Variants in HTT observed in about 807,000 individuals in gnomAD.
The protein encoded by HTT is huntingtin.
Under a neutral mutation model 362.3 loss-of-function variants are expected in HTT, and 104 were observed. The observed-to-expected ratio is 0.29, with a 90% confidence interval of 0.24 to 0.34. The LOEUF is 0.34. Ranked by LOEUF, HTT falls within the 10% of genes least tolerant of loss-of-function variation. HTT has a pLI of 1.00. For missense variants in HTT, 3,301 were observed against 3,928.6 expected (o/e 0.84, Z 4.27); for synonymous variants, 1,577 against 1,548.7 (o/e 1.02, Z -0.43).
intron 3 of HTT, among the ~76,000 whole-genome samples, chr4:3,101,111 G>A (rs1372531720): frequency 6.6e-6 from 1 of 152,206 alleles, no homozygotes; most frequent in Non-Finnish European, 1.5e-5. Context: ...TTGGTTCATG[G>A]CAAATGGGAC....
At chr4:3,153,053 A>C (rs538870614) in intron 26 of HTT, among the ~76,000 whole-genome samples, 62 of 152,152 alleles carry the variant, frequency 4.1e-4, no homozygotes, top group Non-Finnish European at 7.9e-4. Context: ...TGTCTTAGTC[A>C]GCATGGGTTG....
chr4:3,074,930 G>GCAGCAGCAA lies in HTT; in HGVS notation c.110_111insGCAACAGCA (p.Gln36_Gln38dup), dbSNP rs774733492. ...AGCAGCAGCAGCAGCAGCAGCAGCA[G>GCAGCAGCAA]CAGCAACAGCCGCCACCGCCGCCGC... On this transcript the variant is annotated inframe_insertion, in exon 1 of 67. Transcript: ENST00000355072. 5.9e-5 allele frequency: 77 copies of GCAGCAGCAA among 1,302,664 alleles called. No homozygotes were observed. Among genetic ancestry groups the GCAGCAGCAA allele is most frequent in the Middle Eastern group, 5.6e-4 (2 of 3,552 alleles). 80.7% of individuals were successfully genotyped at this position (1,302,664 alleles called of 1,614,324 possible). A position where few individuals can be genotyped will look rare whatever the true frequency, so the allele number is the denominator to read the frequency against.
rs755790294 is a variant in HTT at position 3,116,074 on chromosome 4, C to T, written c.890-11C>T. ...GTCAGATGTTAAGATGTCTTGCTTC[C>T]ACCCCCACAGGCTTACTCGTTCCTG... On this transcript the variant is annotated splice_polypyrimidine_tract_variant and intron_variant, in intron 7 of 66. Coordinates refer to ENST00000355072, the MANE Select transcript of HTT (RefSeq NM_001388492.1). The T allele has an allele frequency of 1.9e-6, 3 of 1,597,552 alleles. No individual in the cohort carries two copies. Among genetic ancestry groups the T allele is most frequent in the Admixed American group, 3.3e-5 (2 of 59,784 alleles).
chr4:3,147,919 G>A, intron 25 of HTT, 86 bp from the exon 26 acceptor site: 1 of 1,039,416 alleles, frequency 9.6e-7, no homozygotes, highest in South Asian at 1.6e-5. Flanking sequence ...TCTCAACATA[G>A]GGTCTTAAAT....
At chr4:3,207,722 G>A (rs1035198892) in intron 45 of HTT, among the ~76,000 whole-genome samples, 1 of 152,170 alleles carries the variant, frequency 6.6e-6, no homozygotes, top group Non-Finnish European at 1.5e-5. Context: ...AACAAGAGTT[G>A]GCAAATCTGA....
Position 3,093,427 on chromosome 4 carries a change from G to A in HTT, c.348-5847G>A, listed in dbSNP as rs1713623609. Reference sequence around the variant, plus strand: ...ATTTCAGTGTTTGTAACACGTAGAAGTGAATTGTATGACAATAGCATAAAG... The same window carrying A: ...ATTTCAGTGTTTGTAACACGTAGAAATGAATTGTATGACAATAGCATAAAG... On this transcript the variant is annotated intron_variant, in intron 2 of 66. Transcript: ENST00000355072. Among the ~76,000 whole-genome samples, 4 of 152,214 alleles carry A rather than the reference G, an allele frequency of 2.6e-5. No homozygotes were observed. In the South Asian group the frequency reaches 8.3e-4, roughly 32 times the overall value.
At chr4:3,182,567 T>A in intron 37 of HTT, 97 bp downstream of exon 37, 1 of 749,510 alleles carries the variant, frequency 1.3e-6, no homozygotes, top group East Asian at 2.5e-5. Context: ...CCTTCAGTCC[T>A]AATCTGTGCC....
intron 65 of HTT, 88 bp from the exon 66 acceptor site, chr4:3,238,730 G>GCCCCCCCCCCCCCCCCCCCCCCCCCCCC: frequency 3.6e-6 from 4 of 1,097,016 alleles, no homozygotes; most frequent in Non-Finnish European, 5.3e-6. Context: ...AATGCCTCTG[G>GCCCCCCCCCCCCCCCCCCCCCCCCCCCC]CCCCCACCCC....
At position 3,220,225 on chromosome 4, in the gene HTT, G is replaced by A. The variant is rs1252276830; in HGVS notation, c.7286G>A (p.Gly2429Asp). 6.2e-7 allele frequency: 1 copy of A among 1,614,106 alleles called. No individual in the cohort carries two copies. Residue 2429 changes from glycine (G) to aspartate (D), a missense_variant, in exon 53 of 67, where the codon GGC becomes GAC. Around this residue, in one of 4 missense-constraint regions of HTT, gnomAD observed 753 missense variants for 1,021.3 expected, o/e 0.74. Transcript: ENST00000355072. ...GWSPKPGGDF[G>D]TAFPEIPVEF... is the part of the protein sequence containing the mutation. Reference sequence around the variant, plus strand: ...TCACCCAAACCGGGAGGGGATTTTGGCACAGCATTCCCTGAGATCCCCGTG... The same window carrying A: ...TCACCCAAACCGGGAGGGGATTTTGACACAGCATTCCCTGAGATCCCCGTG...
At chr4:3,087,258 GAAC>G (rs370686996) in intron 2 of HTT, among the ~76,000 whole-genome samples, 37 of 152,262 alleles carry the variant, frequency 2.4e-4, no homozygotes, top group African/African-American at 8.9e-4. Flanking sequence ...TATGGTAATT[GAAC>G]AACATGTTTA....
In HTT at chr4:3,074,938, A is replaced by AGCC. The variant is rs751462292; in HGVS notation, c.117_119dup (p.Pro49dup). The AGCC allele has an allele frequency of 3.7e-5, 47 of 1,272,234 alleles. No homozygotes were observed. The highest frequency in any genetic ancestry group is 3.3e-4 in the East Asian group (10 of 30,496). The allele number at this position is 1,272,234 out of a possible 1,614,324, so 78.8% of individuals were successfully genotyped here. ...CAGCAGCAGCAGCAGCAGCAGCAAC[A>AGCC]GCCGCCACCGCCGCCGCCGCCGCCG... On this transcript the variant is annotated inframe_insertion, in exon 1 of 67. Transcript: ENST00000355072.
rs375338285 is a variant in HTT at position 3,223,967 on chromosome 4, T to C, written c.7626-25T>C. The C allele has an allele frequency of 1.9e-5, 30 of 1,613,296 alleles. 1 individual carries two copies. The African/African-American group carries it at 2.4e-4, about 13-fold the overall frequency. On this transcript the variant is annotated intron_variant, in intron 55 of 66. Coordinates refer to ENST00000355072, the MANE Select transcript of HTT (RefSeq NM_001388492.1). ...TAAGATTTTGAAGGAAACAAAACACTCTTTACCTTTTTTCTAAAATGTAGG... is the reference window on the plus strand; with the variant it reads ...TAAGATTTTGAAGGAAACAAAACACCCTTTACCTTTTTTCTAAAATGTAGG...
chr4:3,075,565 G>C (rs958793742), intron 1 of HTT, among the ~76,000 whole-genome samples: 1 of 151,566 alleles, frequency 6.6e-6, no homozygotes, highest in African/African-American at 2.4e-5. Context: ...CACTTCGAGA[G>C]GAGGCGGGGT....
chr4:3,127,655 C>A, intron 12 of HTT, 51 bp downstream of exon 12: 1 of 1,370,318 alleles, frequency 7.3e-7, no homozygotes, highest in Non-Finnish European at 1.0e-6. Context: ...TTATTTGAGA[C>A]AGAGTCTCAC....
At chr4:3,079,236 T>G (rs1712753681) in intron 1 of HTT, among the ~76,000 whole-genome samples, 1 of 148,444 alleles carries the variant, frequency 6.7e-6, no homozygotes, top group South Asian at 2.1e-4. Context: ...GAAGGTCCAC[T>G]GAGAAGACAG....
At position 3,235,668 on chromosome 4, in the gene HTT, C is replaced by T. The variant is rs1353680241; in HGVS notation, c.8675C>T (p.Ser2892Phe). 1 of 1,613,740 alleles carries T rather than the reference C, an allele frequency of 6.2e-7. No homozygotes were observed. Among genetic ancestry groups the T allele is most frequent in the South Asian group, 1.1e-5 (1 of 91,092 alleles). Reference protein sequence around the residue: ...LERLLLSEQLSRLDAESLVKL... With the variant: ...LERLLLSEQLFRLDAESLVKL... ...CGCCTCCTGCTCTCTGAGCAGCTCTCCCGCCTGGATGCAGAATCGCTGGTC... is the reference window on the plus strand; with the variant it reads ...CGCCTCCTGCTCTCTGAGCAGCTCTTCCGCCTGGATGCAGAATCGCTGGTC... The change falls in exon 63 of 67, where the codon TCC becomes TTC. Residue 2892 changes from serine to phenylalanine, a missense_variant. Physicochemically the swap from Ser to Phe is radical, Grantham distance 155 (BLOSUM62 -2). Transcript: ENST00000355072.
At chr4:3,198,342 C>A (rs1251415714) in intron 40 of HTT, among the ~76,000 whole-genome samples, 1 of 151,038 alleles carries the variant, frequency 6.6e-6, no homozygotes, top group African/African-American at 2.4e-5. Flanking sequence ...CTTGTGCTCC[C>A]GCCTCCCAAA....
intron 1 of HTT, among the ~76,000 whole-genome samples, chr4:3,084,258 G>A (rs1399137640): frequency 6.9e-6 from 1 of 144,552 alleles, no homozygotes; most frequent in East Asian, 2.0e-4. Flanking sequence ...AGGCTGGAGT[G>A]CAGTGGCATG....
intron 22 of HTT, 82 bp downstream of exon 22, chr4:3,140,738 T>C (rs752773960): frequency 2.1e-5 from 28 of 1,346,942 alleles, no homozygotes; most frequent in Non-Finnish European, 2.9e-5. Flanking sequence ...ATTGAAAACA[T>C]TTTATTTTCT....
Sources: gnomAD v4.1 joint callset for allele counts (sites outside exome capture counted in the v4.1 genomes callset) on GRCh38, gnomAD v4.1.1 for gene constraint, gnomAD v4.1.1 regional missense constraint, MANE v1.5 for transcripts, NCBI Gene and HGNC (gene_info 2026-07-23, HGNC 2026-07-21) for gene names.